CIT: variants seen among roughly 807,000 people sequenced by gnomAD.
CIT encodes the protein citron Rho-interacting kinase.
A neutral mutation model predicts 272.7 loss-of-function variants in CIT; 79 were observed. The ratio of observed to expected loss-of-function variants is 0.29; its 90% CI spans 0.24 to 0.35. The LOEUF is 0.35. Among genes scored for constraint, CIT ranks in the 10% least tolerant of loss-of-function variants. The pLI, the probability that CIT is intolerant of heterozygous loss-of-function variation, is 1.00. For missense variants in CIT, 1,909 were observed against 2,618.3 expected (o/e 0.73, Z 5.91); for synonymous variants, 948 against 995.6 (o/e 0.95, Z 0.90).
At chr12:119,696,704 T>C (rs1302071407) in intron 46 of CIT, among the ~76,000 whole-genome samples, 2 of 152,150 alleles carry the variant, frequency 1.3e-5, no homozygotes, top group Non-Finnish European at 2.9e-5. Flanking sequence ...TTTTTGTATT[T>C]TTTGTAGAGA....
At position 119,713,139 on chromosome 12, in the gene CIT, G is replaced by A. The variant is rs550318054; in HGVS notation, c.4579+64C>T. 33 of 1,237,148 alleles carry A rather than the reference G, an allele frequency of 2.7e-5. No homozygotes were observed. Among genetic ancestry groups the A allele is most frequent in the Middle Eastern group, 2.4e-4 (1 of 4,192 alleles). The allele number at this position is 1,237,148 out of a possible 1,614,324, so 76.6% of individuals were successfully genotyped here. A position where few individuals can be genotyped will look rare whatever the true frequency, so the allele number is the denominator to read the frequency against. On this transcript the variant is annotated intron_variant, in intron 35 of 47. Transcript: ENST00000392521. The surrounding 1 kb of genome is among the most constrained non-coding windows in gnomAD (Gnocchi z 5.2). ...GCAGTCCAAAAAACAAAGCCTTCGC[G>A]CCAGCACTGGGGAGACCTGGGTTAG... is the stretch of plus-strand genomic sequence containing the variant.
At chr12:119,771,018 A>G (rs1022812615) in intron 17 of CIT, 108 bp from the exon 18 acceptor site, 43 of 1,373,242 alleles carry the variant, frequency 3.1e-5, no homozygotes, top group Non-Finnish European at 3.8e-5. Context: ...AGTCAGGAAG[A>G]AAAGTCTCAG....
chr12:119,811,421 C>T (rs370677006), intron 9 of CIT, among the ~76,000 whole-genome samples: 1 of 152,336 alleles, frequency 6.6e-6, no homozygotes, highest in East Asian at 1.9e-4. Flanking sequence ...AAAAATACTT[C>T]AGGGTAACAT....
intron 4 of CIT, among the ~76,000 whole-genome samples, chr12:119,854,325 C>A (rs1351877293): frequency 1.3e-5 from 2 of 151,376 alleles, no homozygotes; most frequent in Non-Finnish European, 2.9e-5. Context: ...CTGCACCCGG[C>A]CCACAAAATT....
At chr12:119,801,307 C>T (rs1344541162) in intron 10 of CIT, among the ~76,000 whole-genome samples, 1 of 152,140 alleles carries the variant, frequency 6.6e-6, no homozygotes, top group African/African-American at 2.4e-5. Context: ...AAATATTTAT[C>T]GAGTGCCTCA....
At position 119,716,151 on chromosome 12, in the gene CIT, G is replaced by C. The variant is rs144566530; in HGVS notation, c.4169-1817C>G. Among the ~76,000 whole-genome samples the C allele has an allele frequency of 1.8e-4, 28 of 152,180 alleles. 1 individual carries two copies. In the East Asian group the frequency reaches 5.4e-3, roughly 29 times the overall value. ...CCAGCACTCTGGGAGGCCAAGGCAA[G>C]TGGATCGCTTGAGGTCAGGAGTTCA... On this transcript the variant is annotated intron_variant, in intron 32 of 47. Coordinates refer to ENST00000392521, the MANE Select transcript of CIT (RefSeq NM_001206999.2).
chr12:119,836,656 C>T (rs545529601), intron 5 of CIT, among the ~76,000 whole-genome samples: 28 of 152,134 alleles, frequency 1.8e-4, no homozygotes, highest in Admixed American at 7.8e-4. Flanking sequence ...ATATTTATGA[C>T]GACACGCCAC....
chr12:119,865,756 G>A (rs972317777), intron 3 of CIT, among the ~76,000 whole-genome samples: 1 of 151,246 alleles, frequency 6.6e-6, no homozygotes, highest in African/African-American at 2.4e-5. Context: ...TGTAGTCCCA[G>A]CTACTGAGGA....
At chr12:119,811,828 G>T (rs1261698247) in intron 9 of CIT, among the ~76,000 whole-genome samples, 1 of 152,102 alleles carries the variant, frequency 6.6e-6, no homozygotes, top group Non-Finnish European at 1.5e-5. Flanking sequence ...ACCTACATAG[G>T]CTAGAAATAC....
chr12:119,698,137 T>C (rs1956333103), intron 44 of CIT, 83 bp from the exon 45 acceptor site: 1 of 1,219,990 alleles, frequency 8.2e-7, no homozygotes. Flanking sequence ...AATGCATTCT[T>C]TGACCCAGCA....
At chr12:119,791,125 CCCAG>C (rs1965273742) in intron 10 of CIT, among the ~76,000 whole-genome samples, 1 of 152,170 alleles carries the variant, frequency 6.6e-6, no homozygotes, top group African/African-American at 2.4e-5. Context: ...GCAGTAGAAC[CCCAG>C]TTCAAAGCTG....
intron 19 of CIT, among the ~76,000 whole-genome samples, chr12:119,762,760 G>A (rs1335613775): frequency 2.0e-5 from 3 of 152,190 alleles, no homozygotes; most frequent in East Asian, 3.9e-4. Flanking sequence ...CACTAGGCCA[G>A]GCATGGTGGC....
At chr12:119,705,890 G>A (rs1956853204) in intron 40 of CIT, among the ~76,000 whole-genome samples, 2 of 151,266 alleles carry the variant, frequency 1.3e-5, no homozygotes, top group African/African-American at 4.9e-5. Flanking sequence ...AGGAGTTCGA[G>A]ACTAGCCTGG....
chr12:119,820,844 C>G (rs1967644358), intron 9 of CIT, among the ~76,000 whole-genome samples: 1 of 151,974 alleles, frequency 6.6e-6, no homozygotes, highest in Admixed American at 6.5e-5. Context: ...ATGGCACACA[C>G]CTGTAGTCCT....
At chr12:119,840,361 C>G (rs1172206437) in intron 5 of CIT, among the ~76,000 whole-genome samples, 1 of 152,148 alleles carries the variant, frequency 6.6e-6, no homozygotes, top group Non-Finnish European at 1.5e-5. Flanking sequence ...CCACCCCAGA[C>G]CTACTGAATC....
intron 18 of CIT, 58 bp from the exon 19 acceptor site, chr12:119,767,240 G>T: frequency 7.8e-7 from 1 of 1,280,370 alleles, no homozygotes; most frequent in Non-Finnish European, 1.1e-6. Context: ...GCCAATGCAC[G>T]TTAGACATTC....
chr12:119,707,160 C>T (rs999283758), intron 40 of CIT, among the ~76,000 whole-genome samples: 1 of 152,054 alleles, frequency 6.6e-6, no homozygotes. Context: ...TAAGGTTCAT[C>T]TCTCTCTCAC....
At chr12:119,795,924 C>T (rs1965696464) in intron 10 of CIT, among the ~76,000 whole-genome samples, 1 of 152,250 alleles carries the variant, frequency 6.6e-6, no homozygotes, top group Non-Finnish European at 1.5e-5. Context: ...CAGTTGTCTA[C>T]ACTGTGCAGA....
At chr12:119,716,731 T>A (rs1957508719) in intron 32 of CIT, among the ~76,000 whole-genome samples, 1 of 152,160 alleles carries the variant, frequency 6.6e-6, no homozygotes, top group African/African-American at 2.4e-5. Flanking sequence ...TACATGACCT[T>A]TAACCCAGTG....
Sources: gnomAD v4.1 joint callset for allele counts (sites outside exome capture counted in the v4.1 genomes callset) on GRCh38, gnomAD v4.1.1 for gene constraint, Gnocchi (gnomAD v3.1) non-coding constraint, MANE v1.5 for transcripts, NCBI Gene and HGNC (gene_info 2026-07-23, HGNC 2026-07-21) for gene names.